Variants in HDC observed in about 807,000 individuals in gnomAD.
The protein encoded by HDC is histidine decarboxylase.
A neutral mutation model predicts 64.4 loss-of-function variants in HDC; 27 were observed. The ratio of observed to expected loss-of-function variants is 0.42; its 90% CI spans 0.31 to 0.58. The LOEUF is 0.58. Ranked by LOEUF, HDC falls within the 20% of genes least tolerant of loss-of-function variation. HDC has a pLI of 0.16. For missense variants in HDC, 711 were observed against 833.9 expected (o/e 0.85, Z 1.81); for synonymous variants, 305 against 314.2 (o/e 0.97, Z 0.31).
At chr15:50,256,026 A>G (rs1293178382) in intron 4 of HDC, among the ~76,000 whole-genome samples, 2 of 152,202 alleles carry the variant, frequency 1.3e-5, no homozygotes, top group Non-Finnish European at 2.9e-5. Context: ...GACAGGCATC[A>G]GTTTGAATCC....
chr15:50,253,447 AGACCCTCAT>A, intron 7 of HDC, 144 bp downstream of exon 7: 1 of 754,948 alleles, frequency 1.3e-6, no homozygotes, highest in Non-Finnish European at 2.4e-6. Flanking sequence ...TCCCTGGAAG[AGACCCTCAT>A]GACCTTTGGT....
intron 2 of HDC, among the ~76,000 whole-genome samples, chr15:50,259,863 C>T (rs1182955842): frequency 6.6e-6 from 1 of 152,136 alleles, no homozygotes; most frequent in Non-Finnish European, 1.5e-5. Context: ...TTGTCCTGGA[C>T]AGTGTGTATA....
At chr15:50,262,612 A>C (rs894845811) in intron 2 of HDC, among the ~76,000 whole-genome samples, 11 of 152,120 alleles carry the variant, frequency 7.2e-5, no homozygotes, top group Non-Finnish European at 1.0e-4. Context: ...TGCACCCTCC[A>C]TCATGGAAAG....
At chr15:50,258,538 GA>G (rs766746594) in intron 2 of HDC, 21 bp from the exon 3 acceptor site, 2 of 1,461,924 alleles carry the variant, frequency 1.4e-6, no homozygotes, top group Non-Finnish European at 1.9e-6. Context: ...AGCATGCACA[GA>G]GTTGGCACCA....
At chr15:50,258,138 G>A (rs1011661569) in intron 3 of HDC, among the ~76,000 whole-genome samples, 2 of 152,152 alleles carry the variant, frequency 1.3e-5, no homozygotes, top group Admixed American at 1.3e-4. Flanking sequence ...AGTCTTATCT[G>A]TGTCTCTATG....
In HDC at chr15:50,263,216, T is replaced by C. The variant is rs2045726618; in HGVS notation, c.204+19A>G. The C allele has an allele frequency of 6.2e-7, 1 of 1,613,642 alleles. No individual in the cohort carries two copies. Among genetic ancestry groups the C allele is most frequent in the African/African-American group, 1.3e-5 (1 of 74,910 alleles). The stretch of plus-strand genomic sequence containing the variant: ...GTGCCCTGAAATCCAGAACTGCCCT[T>C]GTGGTCACTGTGTCTCACCCCAGGC... On this transcript the variant is annotated intron_variant, in intron 2 of 11. Coordinates refer to ENST00000267845, the MANE Select transcript of HDC (RefSeq NM_002112.4).
chr15:50,252,305 TATGAG>T (rs1457736590), intron 9 of HDC, 120 bp downstream of exon 9: 6 of 739,610 alleles, frequency 8.1e-6, no homozygotes, highest in Non-Finnish European at 1.5e-5. Flanking sequence ...TTGGCAGTAT[TATGAG>T]ATGAGCTCAT....
At position 50,248,130 on chromosome 15, in the gene HDC, C is replaced by A; in HGVS notation, c.1140+115G>T. 2.7e-6 allele frequency: 2 copies of A among 748,678 alleles called. No homozygotes were observed. The highest frequency in any genetic ancestry group is 4.0e-5 in the Admixed American group (2 of 49,904). The allele number at this position is 748,678 out of a possible 1,614,324, so 46.4% of individuals were successfully genotyped here. On this transcript the variant is annotated intron_variant, in intron 10 of 11. Coordinates refer to ENST00000267845, the MANE Select transcript of HDC (RefSeq NM_002112.4). The surrounding 1 kb of genome is among the most constrained non-coding windows in gnomAD (Gnocchi z 4.3). ...AGGAGCTGAGGAACAGGCCCAGACA[C>A]CTGAACCACACACCGCAAGTCTCCT...
chr15:50,253,872 G>T, intron 6 of HDC: 1 of 643,890 alleles, frequency 1.6e-6, no homozygotes, highest in Non-Finnish European at 2.7e-6. Flanking sequence ...TGAAAAAAAA[G>T]TTTCATAAAA....
chr15:50,253,733 G>T, intron 6 of HDC, 67 bp from the exon 7 acceptor site: 1 of 1,265,748 alleles, frequency 7.9e-7, no homozygotes, highest in Non-Finnish European at 1.2e-6. Flanking sequence ...GCCTGAGAAA[G>T]ATTTCACCAC....
intron 9 of HDC, among the ~76,000 whole-genome samples, chr15:50,249,700 C>T (rs1002164063): frequency 1.3e-5 from 2 of 152,172 alleles, no homozygotes; most frequent in South Asian, 2.1e-4. Flanking sequence ...GAATAATGAA[C>T]GGATGATAGG....
intron 4 of HDC, among the ~76,000 whole-genome samples, chr15:50,254,986 C>G (rs1445909847): frequency 3.3e-5 from 5 of 152,130 alleles, no homozygotes; most frequent in African/African-American, 7.2e-5. Context: ...TGTGTTTGCT[C>G]CCCATGTAAA....
intron 6 of HDC, 143 bp downstream of exon 6, chr15:50,253,987 T>G: frequency 2.4e-6 from 2 of 848,176 alleles, no homozygotes; most frequent in South Asian, 2.8e-5. Context: ...CACCTATGGA[T>G]AGCACCTCAT....
chr15:50,251,302 GA>G (rs1354415599), intron 9 of HDC, among the ~76,000 whole-genome samples: 1 of 152,244 alleles, frequency 6.6e-6, no homozygotes, highest in African/African-American at 2.4e-5. Flanking sequence ...AGAGCTTTCA[GA>G]AATACTATGC....
Position 50,248,224 on chromosome 15 carries a change from C to T in HDC, c.1140+21G>A. 6.5e-7 allele frequency: 1 copy of T among 1,535,598 alleles called. No homozygotes were observed. The highest frequency in any genetic ancestry group is 9.0e-7 in the Non-Finnish European group (1 of 1,108,544). On this transcript the variant is annotated intron_variant, in intron 10 of 11. Transcript: ENST00000267845. This position sits in a 1 kb window ranked among gnomAD's most constrained non-coding sequence, Gnocchi z 4.3. Reference sequence around the variant, plus strand: ...AAACAGAGGAACACAGGCTCAGCCCCCACAGCAGCATGCTACATACATGTC... The same window carrying T: ...AAACAGAGGAACACAGGCTCAGCCCTCACAGCAGCATGCTACATACATGTC...
In HDC at chr15:50,242,031, G is replaced by A. The variant is rs1310175689; in HGVS notation, c.*229C>T. On this transcript the variant is annotated 3_prime_UTR_variant, in exon 12 of 12. Transcript: ENST00000267845. ...CCACAGAAGCTGCCTGTCTACCCTC[G>A]GCCCTTTCTCACTGACCAGACTGCT... 18 of 588,108 alleles carry A rather than the reference G, an allele frequency of 3.1e-5. No individual in the cohort carries two copies. Among genetic ancestry groups the A allele is most frequent in the South Asian group, 1.7e-4 (8 of 47,312 alleles). 36.4% of individuals were successfully genotyped at this position (588,108 alleles called of 1,614,324 possible).
At chr15:50,260,803 G>A (rs7182203) in intron 2 of HDC, among the ~76,000 whole-genome samples, 40,929 of 152,094 alleles carry the variant, frequency 0.27, 5,830 homozygotes, top group Middle Eastern at 0.32. Context: ...CCAGACACCC[G>A]AGCAGGGTGG....
intron 2 of HDC, among the ~76,000 whole-genome samples, chr15:50,258,783 T>A (rs1182472753): frequency 1.3e-5 from 2 of 152,168 alleles, no homozygotes; most frequent in Non-Finnish European, 2.9e-5. Context: ...GGAAAATCAC[T>A]ACAGTAACCC....
At chr15:50,247,054 C>T (rs940257268) in intron 10 of HDC, among the ~76,000 whole-genome samples, 7 of 152,126 alleles carry the variant, frequency 4.6e-5, no homozygotes, top group Admixed American at 1.3e-4. Flanking sequence ...AAACTGAGCT[C>T]GTGGAGACGC....
Sources: allele counts gnomAD v4.1 joint callset (sites outside exome capture counted in the v4.1 genomes callset), GRCh38; gene constraint gnomAD v4.1.1; non-coding constraint Gnocchi (gnomAD v3.1); transcripts MANE v1.5; gene names NCBI Gene and HGNC (gene_info 2026-07-23, HGNC 2026-07-21).